Variants in DSCAM observed in about 807,000 individuals in gnomAD.
The protein encoded by DSCAM is cell adhesion molecule DSCAM.
DSCAM carries 47 observed loss-of-function variants against 217.7 expected under a neutral mutation model. The observed-to-expected ratio is 0.22, with a 90% CI of 0.17 to 0.28. DSCAM has a LOEUF of 0.28. Among genes scored for constraint, DSCAM ranks in the 10% least tolerant of loss-of-function variants. DSCAM has a pLI of 1.00. For synonymous variants in DSCAM, 1,056 were observed against 1,015.3 expected, an observed-to-expected ratio of 1.04 and a Z score of -0.76; for missense variants, 2,080 against 2,618.3, an observed-to-expected ratio of 0.79 and a Z score of 4.49.
At chr21:40,791,585 G>A (rs1028208398) in intron 1 of DSCAM, among the ~76,000 whole-genome samples, 3 of 152,168 alleles carry the variant, frequency 2.0e-5, no homozygotes, top group African/African-American at 7.2e-5. Flanking sequence ...CCCAGGAGGT[G>A]GAGCTTGCAG....
In DSCAM at chr21:40,353,674, AC is replaced by A; in HGVS notation, c.724del (p.Val242TrpfsTer18). ...DHRKAMAGQR[V>X]ELPCKALGHP... ...CCCGAGCGCTTTGCAAGGCAGCTCC[AC>A]ACGCTGCCCAGCCATGGCTTTGCGA... On this transcript the variant is annotated frameshift_variant, in exon 5 of 33. Transcript: ENST00000400454. LOFTEE classifies it high-confidence loss of function. The A allele has an allele frequency of 6.2e-7, 1 of 1,609,348 alleles. No homozygotes were observed.
chr21:40,325,943 T>C (rs997681903), intron 8 of DSCAM, among the ~76,000 whole-genome samples: 1 of 152,178 alleles, frequency 6.6e-6, no homozygotes, highest in Admixed American at 6.5e-5. Context: ...ATTTATAAGA[T>C]ACCCATGGTA....
At chr21:40,700,471 T>A (rs2090643596) in intron 2 of DSCAM, among the ~76,000 whole-genome samples, 1 of 152,224 alleles carries the variant, frequency 6.6e-6, no homozygotes, top group South Asian at 2.1e-4. Flanking sequence ...TTACACTGAT[T>A]AATTTTCAAA....
At chr21:40,764,419 A>G (rs1430586509) in intron 1 of DSCAM, among the ~76,000 whole-genome samples, 1 of 152,218 alleles carries the variant, frequency 6.6e-6, no homozygotes, top group African/African-American at 2.4e-5. Flanking sequence ...CAAGCCAGTT[A>G]GAATGGTGAT....
chr21:40,343,896 A>ATTTTATTT (rs1305758211), intron 6 of DSCAM, among the ~76,000 whole-genome samples: 5 of 134,382 alleles, frequency 3.7e-5, no homozygotes, highest in Admixed American at 2.9e-4. Context: ...ATTTCATTTT[A>ATTTTATTT]TTTATTTTAT....
At chr21:40,298,873 C>G (rs1416376352) in intron 9 of DSCAM, among the ~76,000 whole-genome samples, 2 of 152,080 alleles carry the variant, frequency 1.3e-5, no homozygotes, top group Non-Finnish European at 2.9e-5. Context: ...TCTAATCCAA[C>G]GAAATGTTCC....
At chr21:40,735,369 G>C (rs746104378) in intron 1 of DSCAM, among the ~76,000 whole-genome samples, 2 of 152,218 alleles carry the variant, frequency 1.3e-5, no homozygotes, top group Admixed American at 6.5e-5. Flanking sequence ...TTAAGGAACT[G>C]TTACAAACTG....
chr21:40,354,727 T>A (rs1302062662), intron 4 of DSCAM, among the ~76,000 whole-genome samples: 1 of 151,620 alleles, frequency 6.6e-6, no homozygotes, highest in Non-Finnish European at 1.5e-5. Context: ...CGGGCGCCTG[T>A]AGTCCCAGCT....
chr21:40,229,543 C>T (rs1250292250), intron 11 of DSCAM, among the ~76,000 whole-genome samples: 2 of 152,218 alleles, frequency 1.3e-5, no homozygotes, highest in Non-Finnish European at 2.9e-5. Flanking sequence ...CTAACAACCA[C>T]TGATCTGCTT....
chr21:40,074,831 T>C (rs1321284655), intron 27 of DSCAM, among the ~76,000 whole-genome samples: 1 of 152,226 alleles, frequency 6.6e-6, no homozygotes, highest in Non-Finnish European at 1.5e-5. Flanking sequence ...ACCTGATTTC[T>C]GACCGAGATA....
intron 3 of DSCAM, among the ~76,000 whole-genome samples, chr21:40,514,635 A>G (rs2076285874): frequency 6.6e-6 from 1 of 152,186 alleles, no homozygotes; most frequent in Admixed American, 6.5e-5. Flanking sequence ...AAAACTAACG[A>G]TCCTTTATGA....
In DSCAM at chr21:40,481,527, C is replaced by T. The variant is rs1299642343; in HGVS notation, c.509-112282G>A. 4.4e-5 allele frequency among the ~76,000 whole-genome samples: 3 copies of T among 68,736 alleles called. No individual in the cohort carries two copies. In the East Asian group the frequency reaches 1.3e-3, roughly 30 times the overall value. The allele number at this position is 68,736 out of a possible 152,430, so 45.1% of individuals were successfully genotyped here. On this transcript the variant is annotated intron_variant, in intron 3 of 32. Transcript: ENST00000400454. ...CAACAGAGACAGAGCAAGACTCTGT[C>T]TCCAAAAAAAAAAAAAAAAAAAAAA...
chr21:40,487,324 TGTGAGAGA>T (rs1353268354), intron 3 of DSCAM, among the ~76,000 whole-genome samples: 235 of 76,146 alleles, frequency 3.1e-3, no homozygotes, highest in African/African-American at 0.01. Context: ...TGTGTGTGTG[TGTGAGAGA>T]GAGAGAGAGA....
intron 6 of DSCAM, among the ~76,000 whole-genome samples, chr21:40,341,327 T>C (rs1248619456): frequency 6.6e-6 from 1 of 152,234 alleles, no homozygotes; most frequent in African/African-American, 2.4e-5. Flanking sequence ...TCACGTGTCC[T>C]TTATAATTCC....
chr21:40,303,818 C>T (rs1012070356), intron 9 of DSCAM, among the ~76,000 whole-genome samples: 5 of 152,162 alleles, frequency 3.3e-5, no homozygotes, highest in Admixed American at 6.5e-5. Flanking sequence ...AGCCAATGTG[C>T]TTGTTTCTCT....
At position 40,338,190 on chromosome 21, in the gene DSCAM, T is replaced by C. The variant is rs774164791; in HGVS notation, c.1694A>G (p.Gln565Arg). ...GTACTCCCCCTCGTCCACTTCCTTT[T>C]GCACATCTGAAAGTTTAAGAGTTCC... ...NNGTLKLSDV[Q>R]KEVDEGEYTC... Residue 565 changes from glutamine (Q) to arginine (R), a missense_variant, in exon 8 of 33, where the codon CAA becomes CGA. By Grantham distance (43) the Gln-to-Arg change is conservative (BLOSUM62 1). Coordinates refer to ENST00000400454, the MANE Select transcript of DSCAM (RefSeq NM_001389.5). The C allele has an allele frequency of 6.2e-7, 1 of 1,614,282 alleles. No homozygotes were observed. The highest frequency in any genetic ancestry group is 2.2e-5 in the East Asian group (1 of 44,890).
chr21:40,321,263 A>T (rs1756386512), intron 8 of DSCAM, among the ~76,000 whole-genome samples: 1 of 151,876 alleles, frequency 6.6e-6, no homozygotes, highest in Non-Finnish European at 1.5e-5. Context: ...TCAAACAAAA[A>T]CTCCTTCTCA....
intron 11 of DSCAM, among the ~76,000 whole-genome samples, chr21:40,194,260 A>T (rs758606870): frequency 6.6e-6 from 1 of 152,222 alleles, no homozygotes; most frequent in Non-Finnish European, 1.5e-5. Flanking sequence ...ATGTTCTCCT[A>T]TCCAGCTCAA....
At chr21:40,664,905 T>C (rs1467269210) in intron 3 of DSCAM, among the ~76,000 whole-genome samples, 1 of 152,178 alleles carries the variant, frequency 6.6e-6, no homozygotes, top group African/African-American at 2.4e-5. Context: ...TCCCATCCCC[T>C]TGGTGATAAG....
Sources: allele counts gnomAD v4.1 joint callset (sites outside exome capture counted in the v4.1 genomes callset), GRCh38; gene constraint gnomAD v4.1.1; transcripts MANE v1.5; gene names NCBI Gene and HGNC (gene_info 2026-07-23, HGNC 2026-07-21).